THUMPD3: variants seen among roughly 807,000 people sequenced by gnomAD.
The protein encoded by THUMPD3 is THUMP domain 3 tRNA guanosine methyltransferase, also known as tRNA (guanine(6)-N(2))-methyltransferase THUMP3.
Under a neutral mutation model 54.5 loss-of-function variants are expected in THUMPD3, and 44 were observed. The observed-to-expected ratio is 0.81, with a 90% CI of 0.63 to 1.04. The LOEUF (loss-of-function observed/expected upper bound fraction) is 1.04, where lower values mean the gene tolerates loss of function less well. THUMPD3 is among the 50% of genes least tolerant of loss of function. The pLI, the probability that THUMPD3 is intolerant of heterozygous loss-of-function variation, is 0.00. For synonymous variants in THUMPD3, 196 were observed against 201.4 expected (o/e 0.97, Z 0.23); for missense variants, 604 against 601.3 (o/e 1.00, Z -0.05).
In THUMPD3 at chr3:9,366,993, A is replaced by C; in HGVS notation, c.330+8A>C. The C allele has an allele frequency of 6.2e-7, 1 of 1,604,038 alleles. No individual in the cohort carries two copies. The highest frequency in any genetic ancestry group is 1.1e-5 in the South Asian group (1 of 88,870). ...CAGTTCAAACAAACAAAGGTGAGCTATCCTAAACATGGTGGCTGATTTTTG... is the reference window on the plus strand; with the variant it reads ...CAGTTCAAACAAACAAAGGTGAGCTCTCCTAAACATGGTGGCTGATTTTTG... On this transcript the variant is annotated splice_region_variant and intron_variant, in intron 3 of 9. Coordinates refer to ENST00000452837, the MANE Select transcript of THUMPD3 (RefSeq NM_001114092.2).
intron 7 of THUMPD3, among the ~76,000 whole-genome samples, chr3:9,382,034 T>G (rs557886114): frequency 1.3e-5 from 2 of 151,844 alleles, no homozygotes; most frequent in Non-Finnish European, 2.9e-5. Context: ...CTGCCCACCT[T>G]GGCCTCCCAA....
chr3:9,374,586 G>C lies in THUMPD3; in HGVS notation c.878G>C (p.Arg293Thr). 6.2e-7 allele frequency: 1 copy of C among 1,614,132 alleles called. No individual in the cohort carries two copies. The highest frequency in any genetic ancestry group is 1.1e-5 in the South Asian group (1 of 91,080). Residue 293 changes from arginine to threonine, a missense_variant, in exon 5 of 10, where the codon AGA becomes ACA. Physicochemically the swap from Arg to Thr is moderately conservative, Grantham distance 71. Coordinates refer to ENST00000452837, the MANE Select transcript of THUMPD3 (RefSeq NM_001114092.2). Reference sequence around the variant, plus strand: ...TTGACTGAAGAGAGTCTCCACCGAAGAAATATAACACATTTTGGACCTACA... The same window carrying C: ...TTGACTGAAGAGAGTCTCCACCGAACAAATATAACACATTTTGGACCTACA... The part of the protein sequence containing the change: ...IALTEESLHR[R>T]NITHFGPTTL...
At chr3:9,381,289 A>AGCCTT (rs1223054553) in intron 7 of THUMPD3, among the ~76,000 whole-genome samples, 1 of 152,212 alleles carries the variant, frequency 6.6e-6, no homozygotes, top group East Asian at 1.9e-4. Flanking sequence ...CAGTTTATAT[A>AGCCTT]GCCTCGCCTC....
intron 4 of THUMPD3, 56 bp from the exon 5 acceptor site, chr3:9,374,460 C>A: frequency 6.3e-7 from 1 of 1,594,898 alleles, no homozygotes; most frequent in South Asian, 1.1e-5. Flanking sequence ...AGTCTTATTA[C>A]TAAGCGCAGT....
Position 9,386,259 on chromosome 3 carries a change from G to A in THUMPD3, c.*1571G>A, listed in dbSNP as rs1417391734. 1.3e-5 allele frequency: 2 copies of A among 151,920 alleles called. No homozygotes were observed. Among genetic ancestry groups the A allele is most frequent in the African/African-American group, 4.8e-5 (2 of 41,320 alleles). 9.4% of individuals were successfully genotyped at this position (151,920 alleles called of 1,614,324 possible). ...AGAATTCACAGCTGCTTTGTTTATG[G>A]GCCGAACACAAAACTTTTCACCTGA... is the stretch of plus-strand genomic sequence containing the variant. On this transcript the variant is annotated 3_prime_UTR_variant, in exon 10 of 10. Transcript: ENST00000452837.
In THUMPD3 at chr3:9,366,946, G is replaced by A; in HGVS notation, c.291G>A (p.Val97=). 1.2e-6 allele frequency: 2 copies of A among 1,613,252 alleles called. No homozygotes were observed. Residue 97 remains valine, a synonymous_variant, in exon 3 of 10, where the codon GTG becomes GTA. Coordinates refer to ENST00000452837, the MANE Select transcript of THUMPD3 (RefSeq NM_001114092.2). ...CLRSVDNLFV[V]VQEFQDYQFK... ...GATCAGTTGATAACTTATTTGTGGT[G>A]GTTCAGGAGTTTCAAGATTACCAGT...
At chr3:9,367,282 G>A (rs576861330) in intron 3 of THUMPD3, among the ~76,000 whole-genome samples, 37 of 152,344 alleles carry the variant, frequency 2.4e-4, no homozygotes, top group African/African-American at 8.2e-4. Context: ...TTCCAAAAGA[G>A]AATTGCTTCC....
At chr3:9,367,355 C>T (rs760247724) in intron 3 of THUMPD3, among the ~76,000 whole-genome samples, 1 of 152,224 alleles carries the variant, frequency 6.6e-6, no homozygotes, top group East Asian at 1.9e-4. Context: ...TCCTCACCAT[C>T]CTGCTTTTGC....
intron 7 of THUMPD3, 181 bp from the exon 8 acceptor site, chr3:9,383,018 T>C: frequency 2.0e-6 from 1 of 493,306 alleles, no homozygotes; most frequent in Non-Finnish European, 3.7e-6. Flanking sequence ...CAAGCTACCA[T>C]GCCCAGCCTG....
chr3:9,384,103 C>A, intron 8 of THUMPD3, 109 bp from the exon 9 acceptor site: 1 of 1,233,712 alleles, frequency 8.1e-7, no homozygotes, highest in Non-Finnish European at 1.1e-6. Flanking sequence ...GTTTCTAAAA[C>A]TACAGCTATT....
chr3:9,379,818 G>A (rs1193499842), intron 6 of THUMPD3, among the ~76,000 whole-genome samples: 3 of 151,926 alleles, frequency 2.0e-5, no homozygotes, highest in Non-Finnish European at 4.4e-5. Context: ...TCAGCCTCTC[G>A]AGTAGCTGAG....
Position 9,383,240 on chromosome 3 carries a change from A to T in THUMPD3, c.1166A>T (p.Asp389Val), listed in dbSNP as rs750998916. The T allele has an allele frequency of 6.2e-6, 10 of 1,614,114 alleles. No individual in the cohort carries two copies. The highest frequency in any genetic ancestry group is 7.6e-6 in the Non-Finnish European group (9 of 1,179,964). Residue 389 changes from aspartate (D) to valine (V), a missense_variant, in exon 8 of 10, where the codon GAT becomes GTT. Coordinates refer to ENST00000452837, the MANE Select transcript of THUMPD3 (RefSeq NM_001114092.2). ...WGLPIDAVQWDICNLPLRTGS... is the reference protein window; with the variant it reads ...WGLPIDAVQWVICNLPLRTGS... ...TTGCCCATAGATGCTGTTCAGTGGG[A>T]TATCTGCAATCTGCCATTGAGAACT...
At chr3:9,374,726 T>C in intron 5 of THUMPD3, 80 bp downstream of exon 5, 1 of 1,516,240 alleles carries the variant, frequency 6.6e-7, no homozygotes, top group Non-Finnish European at 9.1e-7. Context: ...TTTGTGTGTA[T>C]GTGTGTTTGA....
At position 9,363,110 on chromosome 3, in the gene THUMPD3, G is replaced by A. The variant is rs1463588157; in HGVS notation, c.-71G>A. On this transcript the variant is annotated 5_prime_UTR_variant, in exon 1 of 10. Transcript: ENST00000452837. ...GCCAATGGAGTGTGGGAGCTGAAAGGGTCTTCGCTGGCGGCCGGTAACTGG... is the reference window on the plus strand; with the variant it reads ...GCCAATGGAGTGTGGGAGCTGAAAGAGTCTTCGCTGGCGGCCGGTAACTGG... 1 of 152,502 alleles carries A rather than the reference G, an allele frequency of 6.6e-6. No individual in the cohort carries two copies. The highest frequency in any genetic ancestry group is 6.5e-5 in the Admixed American group (1 of 15,292). The allele number at this position is 152,502 out of a possible 1,614,324, so 9.4% of individuals were successfully genotyped here. A position where few individuals can be genotyped will look rare whatever the true frequency, so the allele number is the denominator to read the frequency against.
At chr3:9,377,218 G>A (rs1027911405) in intron 5 of THUMPD3, among the ~76,000 whole-genome samples, 1 of 152,092 alleles carries the variant, frequency 6.6e-6, no homozygotes, top group Non-Finnish European at 1.5e-5. Context: ...GTGTGTGTGT[G>A]TGTGTACACA....
chr3:9,374,541 A>C lies in THUMPD3; in HGVS notation c.833A>C (p.Glu278Ala), dbSNP rs1460984199. The C allele has an allele frequency of 6.2e-7, 1 of 1,614,020 alleles. No individual in the cohort carries two copies. Among genetic ancestry groups the C allele is most frequent in the East Asian group, 2.2e-5 (1 of 44,876 alleles). ...GTTCTTTTGAACATCCATGATAATG[A>C]AGTCATTGTGGGCATTGCATTGACT... ...VEVLLNIHDNEVIVGIALTEE... is the reference protein window; with the variant it reads ...VEVLLNIHDNAVIVGIALTEE... Residue 278 changes from glutamate to alanine, a missense_variant, in exon 5 of 10, where the codon GAA (glutamate) becomes GCA (alanine). Transcript: ENST00000452837.
intron 1 of THUMPD3, 26 bp from the exon 2 acceptor site, chr3:9,364,990 G>A: frequency 6.6e-7 from 1 of 1,511,768 alleles, no homozygotes; most frequent in African/African-American, 1.4e-5. Flanking sequence ...GATAATATTT[G>A]GGCTTTATTT....
chr3:9,367,832 G>T (rs960463968), intron 3 of THUMPD3, among the ~76,000 whole-genome samples: 3 of 152,078 alleles, frequency 2.0e-5, no homozygotes, highest in African/African-American at 7.2e-5. Flanking sequence ...TTGGGAGGCC[G>T]AGGCGGGTGG....
chr3:9,384,171 A>G, intron 8 of THUMPD3, 41 bp from the exon 9 acceptor site: 1 of 1,601,234 alleles, frequency 6.2e-7, no homozygotes, highest in Non-Finnish European at 8.5e-7. Flanking sequence ...TCTATTTTGT[A>G]TCTTTTGCAA....
Sources: gnomAD v4.1 joint callset for allele counts (sites outside exome capture counted in the v4.1 genomes callset) on GRCh38, gnomAD v4.1.1 for gene constraint, MANE v1.5 for transcripts, NCBI Gene and HGNC (gene_info 2026-07-23, HGNC 2026-07-21) for gene names.